TRIM37: variants seen among roughly 807,000 people sequenced by gnomAD.
TRIM37 encodes the protein tripartite motif containing 37.
In TRIM37, 80 loss-of-function variants were observed where a neutral mutation model predicts 129.8. The observed-to-expected ratio is 0.62, with a 90% CI of 0.51 to 0.74. TRIM37 has a LOEUF of 0.74. TRIM37 is among the 30% of genes least tolerant of loss of function. The probability of loss-of-function intolerance (pLI) is 0.00; values close to 1 mark genes in which losing one functional copy is unlikely to be tolerated. For missense variants in TRIM37, 1,054 were observed against 1,176.5 expected, an observed-to-expected ratio of 0.90 and a Z score of 1.52; for synonymous variants, 389 against 387.1, an observed-to-expected ratio of 1.00 and a Z score of -0.06.
At chr17:59,028,054 T>C (rs997393952) in intron 19 of TRIM37, among the ~76,000 whole-genome samples, 1 of 152,196 alleles carries the variant, frequency 6.6e-6, no homozygotes, top group Non-Finnish European at 1.5e-5. Flanking sequence ...ATGTCTCATC[T>C]GCTCCTCCCA....
chr17:59,074,403 G>A (rs115284014), intron 8 of TRIM37, among the ~76,000 whole-genome samples: 3,343 of 152,230 alleles, frequency 0.022, 118 homozygotes, highest in African/African-American at 0.076. Context: ...AGATATATAT[G>A]TGTGTATGTA....
chr17:59,051,172 G>C (rs1365224136), intron 14 of TRIM37, 42 bp downstream of exon 14: 1 of 1,263,444 alleles, frequency 7.9e-7, no homozygotes, highest in South Asian at 1.2e-5. Context: ...CAAGCCAAAA[G>C]GACAATAGGA....
intron 22 of TRIM37, among the ~76,000 whole-genome samples, chr17:59,002,981 G>A (rs2033976128): frequency 6.6e-6 from 1 of 152,180 alleles, no homozygotes; most frequent in Non-Finnish European, 1.5e-5. Flanking sequence ...TGACCTCCCA[G>A]GGCTCAGATG....
At chr17:59,082,400 C>T (rs2043379885) in intron 5 of TRIM37, among the ~76,000 whole-genome samples, 1 of 152,232 alleles carries the variant, frequency 6.6e-6, no homozygotes, top group African/African-American at 2.4e-5. Context: ...AGTTATGCAT[C>T]CTCATCAGCT....
chr17:59,057,099 G>C (rs748826724), intron 12 of TRIM37, 45 bp from the exon 13 acceptor site: 20 of 1,564,214 alleles, frequency 1.3e-5, no homozygotes, highest in Non-Finnish European at 1.8e-5. Flanking sequence ...AGTAAAGTAA[G>C]AATAAAAAAC....
intron 5 of TRIM37, among the ~76,000 whole-genome samples, chr17:59,083,119 T>C (rs996251029): frequency 6.6e-6 from 1 of 152,166 alleles, no homozygotes; most frequent in Non-Finnish European, 1.5e-5. Context: ...ATTGTACTTA[T>C]TATTGTAAGG....
chr17:59,013,887 A>T (rs1181103667), intron 21 of TRIM37, among the ~76,000 whole-genome samples: 1 of 152,100 alleles, frequency 6.6e-6, no homozygotes, highest in East Asian at 1.9e-4. Context: ...AAAAAAAAAG[A>T]CATGAGCTGG....
chr17:58,981,011 T>C, downstream of TRIM37: 2 of 1,602,344 alleles, frequency 1.2e-6, no homozygotes, highest in Non-Finnish European at 1.7e-6. Context: ...AGATCTTCCT[T>C]GGAGCTATAA....
At chr17:59,033,355 G>C (rs958840592) in intron 17 of TRIM37, among the ~76,000 whole-genome samples, 5 of 152,098 alleles carry the variant, frequency 3.3e-5, no homozygotes, top group Admixed American at 6.5e-5. Context: ...TTATCTCACT[G>C]ACAGTTTTTC....
At position 59,101,274 on chromosome 17, in the gene TRIM37, A is replaced by G. The variant is rs114613553; in HGVS notation, c.123+3019T>C. Among the ~76,000 whole-genome samples the G allele has an allele frequency of 9.5e-3, 1,453 of 152,246 alleles. 21 individuals are homozygous for G. The highest frequency in any genetic ancestry group is 0.033 in the African/African-American group (1,355 of 41,558). On this transcript the variant is annotated intron_variant, in intron 2 of 23. Transcript: ENST00000262294. ...AACATTCTTGGATTTTATCCTTTAC[A>G]TAATACATTTCTGAGGCTTCTGGGG...
At chr17:59,071,283 C>CTTTTTTTT in intron 8 of TRIM37, among the ~76,000 whole-genome samples, 1 of 121,340 alleles carries the variant, frequency 8.2e-6, no homozygotes. Context: ...AAGTTGAAAG[C>CTTTTTTTT]TTTTTTTTTT....
intron 24 of TRIM37, among the ~76,000 whole-genome samples, chr17:58,992,277 A>T (rs2032502530): frequency 7.0e-6 from 1 of 142,318 alleles, no homozygotes; most frequent in South Asian, 2.1e-4. Flanking sequence ...AAATATATAT[A>T]TATTTATATT....
intron 8 of TRIM37, among the ~76,000 whole-genome samples, chr17:59,075,291 C>T (rs1251667867): frequency 1.3e-5 from 2 of 151,784 alleles, no homozygotes; most frequent in South Asian, 2.1e-4. Context: ...AGGCCGGGCA[C>T]GGTGGCTCAC....
downstream of TRIM37, among the ~76,000 whole-genome samples, chr17:58,993,664 C>T (rs1205089847): frequency 2.0e-5 from 3 of 152,058 alleles, no homozygotes; most frequent in East Asian, 5.8e-4. Context: ...AGGGCCAGCA[C>T]AGGGGAATCT....
intron 9 of TRIM37, among the ~76,000 whole-genome samples, chr17:59,067,670 G>A (rs1236176992): frequency 6.6e-6 from 1 of 152,086 alleles, no homozygotes; most frequent in Non-Finnish European, 1.5e-5. Flanking sequence ...CGGAGTAGCT[G>A]GGATTATAGG....
chr17:59,081,964 A>AAAAAAAAAAAT (rs1568200247), intron 5 of TRIM37, among the ~76,000 whole-genome samples: 3 of 87,224 alleles, frequency 3.4e-5, no homozygotes, highest in African/African-American at 1.0e-4. Context: ...AAAAAAAAAA[A>AAAAAAAAAAAT]AATAATAATA....
chr17:59,101,679 T>A (rs202151231), intron 2 of TRIM37, among the ~76,000 whole-genome samples: 20,843 of 80,862 alleles, frequency 0.26, 3,305 homozygotes, highest in Non-Finnish European at 0.32. Context: ...AAAAAAAAAA[T>A]ATATATATAT....
At chr17:59,052,071 C>T (rs1417352697) in intron 13 of TRIM37, among the ~76,000 whole-genome samples, 3 of 152,022 alleles carry the variant, frequency 2.0e-5, no homozygotes, top group Non-Finnish European at 2.9e-5. Flanking sequence ...ATATCCTGAA[C>T]CCTTCAAGAT....
chr17:59,071,645 G>A (rs1042480333), intron 8 of TRIM37, among the ~76,000 whole-genome samples: 3 of 150,398 alleles, frequency 2.0e-5, no homozygotes, highest in Admixed American at 6.6e-5. Context: ...AATACAAAAC[G>A]TACACACATA....
Sources: allele counts gnomAD v4.1 joint callset (sites outside exome capture counted in the v4.1 genomes callset), GRCh38; gene constraint gnomAD v4.1.1; transcripts MANE v1.5; gene names NCBI Gene and HGNC (gene_info 2026-07-23, HGNC 2026-07-21).